NFASC: variants seen among roughly 807,000 people sequenced by gnomAD.
NFASC encodes neurofascin.
NFASC carries 43 observed loss-of-function variants against 147.5 expected under a neutral mutation model. That is an observed-to-expected ratio of 0.29 (90% CI 0.23 to 0.38). The LOEUF (loss-of-function observed/expected upper bound fraction) is 0.38, where lower values mean the gene tolerates loss of function less well. Ranked by LOEUF, NFASC falls within the 10% of genes least tolerant of loss-of-function variation. NFASC has a pLI of 1.00. For missense variants in NFASC, 1,320 were observed against 1,689.0 expected (o/e 0.78, Z 3.83); for synonymous variants, 622 against 665.5 (o/e 0.93, Z 1.01).
At chr1:204,932,225 A>ATCTTCCT (rs2092424288) in intron 2 of NFASC, among the ~76,000 whole-genome samples, 3 of 152,348 alleles carry the variant, frequency 2.0e-5, no homozygotes, top group African/African-American at 7.2e-5. Context: ...ACTAAGAAAA[A>ATCTTCCT]GTAAAAACAG....
In NFASC at chr1:204,952,052, C is replaced by T. The variant is rs2094157020; in HGVS notation, c.151C>T (p.His51Tyr). ...PTITKQSAKDHIVDPRDNILI... is the reference protein window; with the variant it reads ...PTITKQSAKDYIVDPRDNILI... ...CATCACCAAGCAGTCAGCGAAGGATCACATCGTGGACCCCCGTGATAACAT... is the reference window on the plus strand; with the variant it reads ...CATCACCAAGCAGTCAGCGAAGGATTACATCGTGGACCCCCGTGATAACAT... Residue 51 changes from histidine to tyrosine, a missense_variant, in exon 5 of 30, where the codon CAC (histidine) becomes TAC (tyrosine). Transcript: ENST00000339876. 1 of 1,614,166 alleles carries T rather than the reference C, an allele frequency of 6.2e-7. No individual in the cohort carries two copies. Among genetic ancestry groups the T allele is most frequent in the Non-Finnish European group, 8.5e-7 (1 of 1,180,024 alleles).
rs1184898021 is a variant in NFASC, at chr1:204,954,719, T to C, written c.413-110T>C. 1 of 1,313,314 alleles carries C rather than the reference T, an allele frequency of 7.6e-7. No individual in the cohort carries two copies. The highest frequency in any genetic ancestry group is 2.3e-5 in the East Asian group (1 of 43,212). The allele number at this position is 1,313,314 out of a possible 1,614,324, so 81.4% of individuals were successfully genotyped here. On this transcript the variant is annotated intron_variant, in intron 6 of 29. Coordinates refer to ENST00000339876, the MANE Select transcript of NFASC (RefSeq NM_001005388.3). The surrounding 1 kb of genome is among the most constrained non-coding windows in gnomAD (Gnocchi z 5.7). The stretch of plus-strand genomic sequence containing the variant: ...GTCCCTCTCTCTTGCTCCCTCCTTC[T>C]CCAGGTGCCCCTTCTGTTTCTCCTC...
intron 8 of NFASC, among the ~76,000 whole-genome samples, chr1:204,958,943 C>T (rs538263281): frequency 6.6e-6 from 1 of 152,224 alleles, no homozygotes; most frequent in South Asian, 2.1e-4. Flanking sequence ...CCTCCCTATC[C>T]CTGCTGATGG....
At chr1:205,014,332 A>T (rs1231086164) in intron 29 of NFASC, among the ~76,000 whole-genome samples, 2 of 152,166 alleles carry the variant, frequency 1.3e-5, no homozygotes, top group African/African-American at 4.8e-5. Context: ...GGTCCGCAGC[A>T]TCCATCCTAG....
At chr1:204,993,744 A>T (rs2095791000) in intron 24 of NFASC, 3 of 516,620 alleles carry the variant, frequency 5.8e-6, no homozygotes, top group Non-Finnish European at 1.2e-5. Flanking sequence ...CTATTGCGGC[A>T]GGAAATGACA....
chr1:204,946,131 C>T (rs893624582), intron 3 of NFASC, among the ~76,000 whole-genome samples: 2 of 152,192 alleles, frequency 1.3e-5, no homozygotes, highest in Non-Finnish European at 2.9e-5. Context: ...CTCCCCATTC[C>T]AGTGTCCCTG....
intron 15 of NFASC, 103 bp from the exon 16 acceptor site, chr1:204,976,568 C>A: frequency 4.9e-6 from 4 of 819,710 alleles, no homozygotes; most frequent in Non-Finnish European, 8.0e-6. Context: ...AAGGAGCTTC[C>A]CTTGCCCTCC....
At chr1:204,886,159 T>A (rs1228522379) in intron 1 of NFASC, among the ~76,000 whole-genome samples, 2 of 152,198 alleles carry the variant, frequency 1.3e-5, no homozygotes, top group African/African-American at 2.4e-5. Context: ...TGAAGCTGAT[T>A]TCGTTCAGCT....
At chr1:204,960,336 C>T (rs1476675546) in intron 8 of NFASC, among the ~76,000 whole-genome samples, 1 of 152,182 alleles carries the variant, frequency 6.6e-6, no homozygotes, top group African/African-American at 2.4e-5. Flanking sequence ...GGGATGCAGT[C>T]AAAGATAAGC....
In NFASC at chr1:204,955,366, G is replaced by A. The variant is rs532960389; in HGVS notation, c.535+415G>A. On this transcript the variant is annotated intron_variant, in intron 7 of 29. Coordinates refer to ENST00000339876, the MANE Select transcript of NFASC (RefSeq NM_001005388.3). ...GAAGAGCAAGACAGAAGGGATTAGGGGAGAAGAGGAGAAATGGTTTTTCCA... is the reference window on the plus strand; with the variant it reads ...GAAGAGCAAGACAGAAGGGATTAGGAGAGAAGAGGAGAAATGGTTTTTCCA... Among the ~76,000 whole-genome samples the A allele has an allele frequency of 9.2e-5, 14 of 152,280 alleles. No individual in the cohort carries two copies. The East Asian group carries it at 2.5e-3, about 27-fold the overall frequency.
chr1:204,986,256 C>T lies in NFASC; in HGVS notation c.2471-1162C>T, dbSNP rs1176966341. The T allele has an allele frequency of 3.1e-6, 2 of 645,812 alleles. No homozygotes were observed. The highest frequency in any genetic ancestry group is 2.7e-5 in the East Asian group (1 of 36,574). The allele number at this position is 645,812 out of a possible 1,614,324, so 40.0% of individuals were successfully genotyped here. A position where few individuals can be genotyped will look rare whatever the true frequency, so the allele number is the denominator to read the frequency against. ...CTCCAGGAGCGGATGACCTGCAAGC[C>T]GAGCCACTACAGCCATTCCCAGACC... On this transcript the variant is annotated intron_variant, in intron 21 of 29. Coordinates refer to ENST00000339876, the MANE Select transcript of NFASC (RefSeq NM_001005388.3). This position sits in a 1 kb window ranked among gnomAD's most constrained non-coding sequence, Gnocchi z 4.2.
chr1:204,834,659 T>G (rs935149731), intron 1 of NFASC, among the ~76,000 whole-genome samples: 11 of 151,898 alleles, frequency 7.2e-5, no homozygotes, highest in Non-Finnish European at 8.8e-5. Context: ...AAGGCCCCAA[T>G]CTGTTCTAAT....
chr1:204,838,108 T>G (rs990497353), intron 1 of NFASC, among the ~76,000 whole-genome samples: 5 of 152,204 alleles, frequency 3.3e-5, no homozygotes, highest in Non-Finnish European at 7.3e-5. Context: ...TCTAAATGCT[T>G]TATATTAGTG....
At chr1:204,991,264 T>C in intron 23 of NFASC, 28 bp from the exon 24 acceptor site, 1 of 1,611,854 alleles carries the variant, frequency 6.2e-7, no homozygotes, top group South Asian at 1.1e-5. Flanking sequence ...TCCCTCTGTC[T>C]GGCCATCTTG....
At chr1:204,862,494 G>A (rs1286604171) in intron 1 of NFASC, among the ~76,000 whole-genome samples, 4 of 152,224 alleles carry the variant, frequency 2.6e-5, no homozygotes, top group Admixed American at 6.5e-5. Flanking sequence ...ATAAAAAGTC[G>A]ATGTGAATGG....
At chr1:204,866,231 A>G (rs964365810) in intron 1 of NFASC, among the ~76,000 whole-genome samples, 2 of 152,130 alleles carry the variant, frequency 1.3e-5, no homozygotes, top group African/African-American at 2.4e-5. Flanking sequence ...GTATCCTCAC[A>G]CTGCCAAACC....
intron 1 of NFASC, among the ~76,000 whole-genome samples, chr1:204,908,137 A>G (rs1366308380): frequency 1.3e-5 from 2 of 152,088 alleles, no homozygotes; most frequent in Admixed American, 6.6e-5. Flanking sequence ...ACGCACCACT[A>G]TGCCTGGCTA....
chr1:204,877,054 ATT>A (rs1268963791), intron 1 of NFASC, among the ~76,000 whole-genome samples: 1 of 97,122 alleles, frequency 1.0e-5, no homozygotes, highest in African/African-American at 6.4e-5. Context: ...TATATAATAT[ATT>A]TATTTATATA....
intron 1 of NFASC, among the ~76,000 whole-genome samples, chr1:204,857,581 C>G (rs1240026085): frequency 6.6e-6 from 1 of 152,188 alleles, no homozygotes; most frequent in Non-Finnish European, 1.5e-5. Context: ...TGTGTGACCA[C>G]GTGGGATCTC....
Sources: gnomAD v4.1 joint callset for allele counts (sites outside exome capture counted in the v4.1 genomes callset) on GRCh38, gnomAD v4.1.1 for gene constraint, Gnocchi (gnomAD v3.1) non-coding constraint, MANE v1.5 for transcripts, NCBI Gene and HGNC (gene_info 2026-07-23, HGNC 2026-07-21) for gene names.